CBY3: variants seen among roughly 807,000 people sequenced by gnomAD.
CBY3 encodes the protein chibby family member 3.
A neutral mutation model predicts 3.0 loss-of-function variants in CBY3; 7 were observed. That is an observed-to-expected ratio of 2.32 (90% confidence interval 1.32 to 4.35). The LOEUF is 4.35. Ranked by LOEUF, CBY3 falls within the 30% of genes most tolerant of loss-of-function variation. CBY3 has a pLI of 0.00. For synonymous variants in CBY3, 170 were observed against 154.5 expected (o/e 1.10, Z -0.74); for missense variants, 400 against 336.4 (o/e 1.19, Z -1.48).
In CBY3 at chr5:179,679,199, C is replaced by T. The variant is rs1362593697; in HGVS notation, c.113G>A (p.Ser38Asn). The change falls in exon 2 of 2, where the codon AGT becomes AAT. Residue 38 changes from serine (S) to asparagine (N), a missense_variant. Ser to Asn is a conservative substitution (Grantham distance 46, BLOSUM62 1). Coordinates refer to ENST00000376974, the MANE Select transcript of CBY3 (RefSeq NM_001164444.2). The part of the protein sequence containing the change: ...SGLPRQERST[S>N]RQRSRGSPSS... ...AGGGGAGCCTCGGGAGCGCTGGCGACTCGTGCTGCGCTCTTGTCTCGGGAG... is the reference window on the plus strand; with the variant it reads ...AGGGGAGCCTCGGGAGCGCTGGCGATTCGTGCTGCGCTCTTGTCTCGGGAG... The T allele has an allele frequency of 2.0e-6, 3 of 1,534,822 alleles. No homozygotes were observed. Among genetic ancestry groups the T allele is most frequent in the Non-Finnish European group, 2.6e-6 (3 of 1,146,802 alleles).
In CBY3 at chr5:179,678,786, TCTC is replaced by T. The variant is rs1239178864; in HGVS notation, c.523_525del (p.Glu175del). ...TCCTGCTGCAGCTTCAGGTAGTTGT[TCTC>T]CTCCAGCAACACTTGGCTTTTGGAC... is the stretch of plus-strand genomic sequence containing the variant. On this transcript the variant is annotated inframe_deletion, in exon 2 of 2. Transcript: ENST00000376974. 8 of 1,536,884 alleles carry T rather than the reference TCTC, an allele frequency of 5.2e-6. No individual in the cohort carries two copies. Among genetic ancestry groups the T allele is most frequent in the Admixed American group, 3.9e-5 (2 of 50,970 alleles).
chr5:179,680,992 C>G lies in CBY3; in HGVS notation c.-74G>C. 1 of 1,337,552 alleles carries G rather than the reference C, an allele frequency of 7.5e-7. No homozygotes were observed. The highest frequency in any genetic ancestry group is 1.0e-6 in the Non-Finnish European group (1 of 968,010). 82.9% of individuals were successfully genotyped at this position (1,337,552 alleles called of 1,614,324 possible). ...AGTCCTCACTGTATGTTGTGCCTCACCTGGAAGATGGGGTGGAGTTGCTGA... is the reference window on the plus strand; with the variant it reads ...AGTCCTCACTGTATGTTGTGCCTCAGCTGGAAGATGGGGTGGAGTTGCTGA... On this transcript the variant is annotated 5_prime_UTR_variant, in exon 1 of 2. Coordinates refer to ENST00000376974, the MANE Select transcript of CBY3 (RefSeq NM_001164444.2).
chr5:179,680,830 T>C, intron 1 of CBY3, 43 bp downstream of exon 1: 1 of 1,479,542 alleles, frequency 6.8e-7, no homozygotes, highest in African/African-American at 1.4e-5. Context: ...CATAATACAC[T>C]TATCCCTCAC....
At position 179,678,821 on chromosome 5, in the gene CBY3, A is replaced by G; in HGVS notation, c.491T>C (p.Val164Ala). Residue 164 changes from valine to alanine, a missense_variant, in exon 2 of 2, where the codon GTG (valine) becomes GCG (alanine). Physicochemically the swap from Val to Ala is moderately conservative, Grantham distance 64. Coordinates refer to ENST00000376974, the MANE Select transcript of CBY3 (RefSeq NM_001164444.2). ...SRTAWGWKAQ[V>A]QRSKSQVLLE... ...CAACACTTGGCTTTTGGACCGCTGC[A>G]CCTGCGCCTTCCAGCCCCAGGCGGT... 2.0e-6 allele frequency: 3 copies of G among 1,536,942 alleles called. No homozygotes were observed. Among genetic ancestry groups the G allele is most frequent in the Non-Finnish European group, 2.6e-6 (3 of 1,146,732 alleles).
At position 179,678,931 on chromosome 5, in the gene CBY3, G is replaced by C. The variant is rs2127760323; in HGVS notation, c.381C>G (p.Leu127=). ...GLAYGAPCMR[L]SNQAFVFRGG... ...CGCGGAACACGAAGGCCTGGTTGCT[G>C]AGGCGCATGCACGGCGCGCCGTAGG... Residue 127 remains leucine (L), a synonymous_variant, in exon 2 of 2, where the codon CTC becomes CTG. Coordinates refer to ENST00000376974, the MANE Select transcript of CBY3 (RefSeq NM_001164444.2). 1 of 1,535,252 alleles carries C rather than the reference G, an allele frequency of 6.5e-7. No individual in the cohort carries two copies. Among genetic ancestry groups the C allele is most frequent in the South Asian group, 1.2e-5 (1 of 83,916 alleles).
chr5:179,679,955 GGCCTTT>G (rs1776017082), intron 1 of CBY3, among the ~76,000 whole-genome samples: 1 of 138,582 alleles, frequency 7.2e-6, no homozygotes, highest in Non-Finnish European at 1.5e-5. Context: ...CACTGCGCCT[GGCCTTT>G]TTTTTTTTTT....
chr5:179,678,976 G>A lies in CBY3; in HGVS notation c.336C>T (p.Arg112=). The change falls in exon 2 of 2, where the codon CGC becomes CGT. Residue 112 remains arginine (R), a synonymous_variant. Coordinates refer to ENST00000376974, the MANE Select transcript of CBY3 (RefSeq NM_001164444.2). ...STFYLLDHNT[R]QAELGLAYGA... is the part of the protein sequence containing the mutation. ...CGTAGGCGAGGCCCAGCTCGGCCTG[G>A]CGCGTGTTGTGGTCCAGCAGGTAGA... is the stretch of plus-strand genomic sequence containing the variant. 6.5e-7 allele frequency: 1 copy of A among 1,535,926 alleles called. No homozygotes were observed. The highest frequency in any genetic ancestry group is 8.7e-7 in the Non-Finnish European group (1 of 1,146,456).
At chr5:179,679,682 GAGTCTCGCTGTC>G (rs1420715847) in intron 1 of CBY3, among the ~76,000 whole-genome samples, 3 of 151,970 alleles carry the variant, frequency 2.0e-5, no homozygotes, top group Admixed American at 6.6e-5. Flanking sequence ...TTTTGAGACT[GAGTCTCGCTGTC>G]GTTGCCCGAG....
In CBY3 at chr5:179,679,282, C is replaced by A. The variant is rs1315555011; in HGVS notation, c.47-17G>T. The stretch of plus-strand genomic sequence containing the variant: ...GGGGCGCTGCTGGGAGACAAGAGTC[C>A]GGGTGAGCAGCGTGCTTGGTACAGG... On this transcript the variant is annotated splice_polypyrimidine_tract_variant and intron_variant, in intron 1 of 1. Transcript: ENST00000376974. 1 of 1,509,140 alleles carries A rather than the reference C, an allele frequency of 6.6e-7. No individual in the cohort carries two copies. The highest frequency in any genetic ancestry group is 2.1e-5 in the Admixed American group (1 of 48,536). 93.5% of individuals were successfully genotyped at this position (1,509,140 alleles called of 1,614,324 possible). A position where few individuals can be genotyped will look rare whatever the true frequency, so the allele number is the denominator to read the frequency against.
rs375782480 is a variant in CBY3 at position 179,678,815 on chromosome 5, C to A, written c.497G>T (p.Arg166Leu). The A allele has an allele frequency of 3.3e-5, 51 of 1,536,902 alleles. No individual in the cohort carries two copies. The highest frequency in any genetic ancestry group is 4.4e-5 in the Non-Finnish European group (51 of 1,146,748). The change falls in exon 2 of 2, where the codon CGG becomes CTG. Residue 166 changes from arginine to leucine, a missense_variant. Transcript: ENST00000376974. ...CTCCAGCAACACTTGGCTTTTGGAC[C>A]GCTGCACCTGCGCCTTCCAGCCCCA... ...TAWGWKAQVQ[R>L]SKSQVLLEEN... is the part of the protein sequence containing the mutation.
chr5:179,678,718 GT>G lies in CBY3; in HGVS notation c.593del (p.His198ProfsTer11). 1 of 1,537,014 alleles carries G rather than the reference GT, an allele frequency of 6.5e-7. No homozygotes were observed. The highest frequency in any genetic ancestry group is 8.7e-7 in the Non-Finnish European group (1 of 1,146,738). ...CGGGGTTGCGCTGCTTCTCCAGCAAGTGCATGCGCGCCATGGTCTCAGTCAG... is the reference window on the plus strand; with the variant it reads ...CGGGGTTGCGCTGCTTCTCCAGCAAGGCATGCGCGCCATGGTCTCAGTCAG... ...DMLTETMARM[H>X]LLEKQRNPEV... On this transcript the variant is annotated frameshift_variant, in exon 2 of 2. Transcript: ENST00000376974. LOFTEE classifies it low-confidence loss of function (END_TRUNC).
In CBY3 at chr5:179,679,224, G is replaced by C. The variant is rs773246600; in HGVS notation, c.88C>G (p.Leu30Val). 1.3e-6 allele frequency: 2 copies of C among 1,533,386 alleles called. No individual in the cohort carries two copies. Among genetic ancestry groups the C allele is most frequent in the South Asian group, 2.4e-5 (2 of 83,900 alleles). 95.0% of individuals were successfully genotyped at this position (1,533,386 alleles called of 1,614,324 possible). A position where few individuals can be genotyped will look rare whatever the true frequency, so the allele number is the denominator to read the frequency against. Residue 30 changes from leucine to valine, a missense_variant, in exon 2 of 2, where the codon CTC becomes GTC. By Grantham distance (32) the Leu-to-Val change is conservative (BLOSUM62 1). Coordinates refer to ENST00000376974, the MANE Select transcript of CBY3 (RefSeq NM_001164444.2). Reference protein sequence around the residue: ...GSPSSFWTSGLPRQERSTSRQ... With the variant: ...GSPSSFWTSGVPRQERSTSRQ... ...CTCGTGCTGCGCTCTTGTCTCGGGA[G>C]CCCGGATGTCCAGAATGATGAAGGC...
rs1202657561 is a variant in CBY3, at chr5:179,679,161, C to T, written c.151G>A (p.Val51Met). ...GCCAGGGCGTGGACCTTGTAGGGCA[C>T]GCAGGTGCTCGAAGGGGAGCCTCGG... is the stretch of plus-strand genomic sequence containing the variant. Reference protein sequence around the residue: ...RSRGSPSSTCVPYKVHALATF... With the variant: ...RSRGSPSSTCMPYKVHALATF... The change falls in exon 2 of 2, where the codon GTG becomes ATG. Residue 51 changes from valine (V) to methionine (M), a missense_variant. Coordinates refer to ENST00000376974, the MANE Select transcript of CBY3 (RefSeq NM_001164444.2). 1 of 1,535,344 alleles carries T rather than the reference C, an allele frequency of 6.5e-7. No individual in the cohort carries two copies. The highest frequency in any genetic ancestry group is 8.7e-7 in the Non-Finnish European group (1 of 1,146,850).
chr5:179,679,156 G>C lies in CBY3; in HGVS notation c.156C>G (p.Pro52=). The C allele has an allele frequency of 6.5e-7, 1 of 1,535,510 alleles. No individual in the cohort carries two copies. Among genetic ancestry groups the C allele is most frequent in the Non-Finnish European group, 8.7e-7 (1 of 1,146,850 alleles). ...SRGSPSSTCV[P]YKVHALATFE... is the part of the protein sequence containing the mutation. ...AGGTTGCCAGGGCGTGGACCTTGTAGGGCACGCAGGTGCTCGAAGGGGAGC... is the reference window on the plus strand; with the variant it reads ...AGGTTGCCAGGGCGTGGACCTTGTACGGCACGCAGGTGCTCGAAGGGGAGC... Residue 52 remains proline, a synonymous_variant, in exon 2 of 2, where the codon CCC becomes CCG. Coordinates refer to ENST00000376974, the MANE Select transcript of CBY3 (RefSeq NM_001164444.2).
chr5:179,679,874 G>T (rs1776011199), intron 1 of CBY3, among the ~76,000 whole-genome samples: 2 of 150,854 alleles, frequency 1.3e-5, no homozygotes, highest in South Asian at 4.2e-4. Flanking sequence ...GGCCAGGCTG[G>T]TCTCGAACTC....
Position 179,678,950 on chromosome 5 carries a change from C to A in CBY3, c.362G>T (p.Gly121Val). ...TRQAELGLAY[G>V]APCMRLSNQA... ...GTTGCTGAGGCGCATGCACGGCGCGCCGTAGGCGAGGCCCAGCTCGGCCTG... is the reference window on the plus strand; with the variant it reads ...GTTGCTGAGGCGCATGCACGGCGCGACGTAGGCGAGGCCCAGCTCGGCCTG... The change falls in exon 2 of 2, where the codon GGC (glycine) becomes GTC (valine). Residue 121 changes from glycine (G) to valine (V), a missense_variant. Coordinates refer to ENST00000376974, the MANE Select transcript of CBY3 (RefSeq NM_001164444.2). 1 of 1,535,470 alleles carries A rather than the reference C, an allele frequency of 6.5e-7. No homozygotes were observed. Among genetic ancestry groups the A allele is most frequent in the Non-Finnish European group, 8.7e-7 (1 of 1,146,072 alleles).
In CBY3 at chr5:179,679,280, T is replaced by G; in HGVS notation, c.47-15A>C. The G allele has an allele frequency of 6.6e-7, 1 of 1,510,796 alleles. No homozygotes were observed. The highest frequency in any genetic ancestry group is 1.2e-5 in the South Asian group (1 of 81,106). The allele number at this position is 1,510,796 out of a possible 1,614,324, so 93.6% of individuals were successfully genotyped here. On this transcript the variant is annotated splice_polypyrimidine_tract_variant and intron_variant, in intron 1 of 1. Transcript: ENST00000376974. ...AGGGGGCGCTGCTGGGAGACAAGAG[T>G]CCGGGTGAGCAGCGTGCTTGGTACA...
In CBY3 at chr5:179,678,643, CT is replaced by C; in HGVS notation, c.668del (p.Lys223SerfsTer11). The C allele has an allele frequency of 4.6e-6, 7 of 1,533,874 alleles. No homozygotes were observed. Among genetic ancestry groups the C allele is most frequent in the Non-Finnish European group, 4.4e-6 (5 of 1,144,864 alleles). ...GCACGCCCGCGCTGGCGCCTGCGCGCTTGCGCATCTTCCTCTGCCCGGCGCG... is the reference window on the plus strand; with the variant it reads ...GCACGCCCGCGCTGGCGCCTGCGCGCTGCGCATCTTCCTCTGCCCGGCGCG... ...AARAGQRKMR[K>X]RAGASAGVLM... On this transcript the variant is annotated frameshift_variant, in exon 2 of 2. Coordinates refer to ENST00000376974, the MANE Select transcript of CBY3 (RefSeq NM_001164444.2). LOFTEE classifies it low-confidence loss of function (END_TRUNC).
chr5:179,679,430 C>T (rs1775996610), intron 1 of CBY3, 165 bp from the exon 2 acceptor site: 1 of 612,410 alleles, frequency 1.6e-6, no homozygotes, highest in East Asian at 2.8e-5. Context: ...GCAGCAGTCT[C>T]ACCTAAACCA....
Sources: gnomAD v4.1 joint callset for allele counts (sites outside exome capture counted in the v4.1 genomes callset) on GRCh38, gnomAD v4.1.1 for gene constraint, MANE v1.5 for transcripts, NCBI Gene and HGNC (gene_info 2026-07-23, HGNC 2026-07-21) for gene names.